Variants in SAMD12 observed in about 807,000 individuals in gnomAD.
SAMD12 encodes the protein sterile alpha motif domain-containing protein 12.
SAMD12 carries 9 observed loss-of-function variants against 15.0 expected under a neutral mutation model. The ratio of observed to expected loss-of-function variants is 0.60; its 90% CI spans 0.36 to 1.05. The LOEUF is 1.05. Among genes scored for constraint, SAMD12 ranks in the 50% least tolerant of loss-of-function variants. The probability of loss-of-function intolerance (pLI) is 0.01; values close to 1 mark genes in which losing one functional copy is unlikely to be tolerated. For missense variants in SAMD12, 230 were observed against 234.2 expected, an observed-to-expected ratio of 0.98 and a Z score of 0.12; for synonymous variants, 86 against 90.1, an observed-to-expected ratio of 0.96 and a Z score of 0.25.
At chr8:118,383,281 G>A (rs1244983063) in intron 3 of SAMD12, among the ~76,000 whole-genome samples, 1 of 152,130 alleles carries the variant, frequency 6.6e-6, no homozygotes, top group African/African-American at 2.4e-5. Flanking sequence ...GACAAGGAAG[G>A]TAGCTCATGG....
At chr8:118,520,772 T>C (rs1264844279) in intron 2 of SAMD12, among the ~76,000 whole-genome samples, 5 of 152,184 alleles carry the variant, frequency 3.3e-5, no homozygotes, top group African/African-American at 1.2e-4. Context: ...AATTTACTGT[T>C]TCCTATACAA....
At chr8:118,226,837 C>T (rs953563933) in intron 4 of SAMD12, among the ~76,000 whole-genome samples, 1 of 152,074 alleles carries the variant, frequency 6.6e-6, no homozygotes, top group Non-Finnish European at 1.5e-5. Context: ...ATGAGAGCTG[C>T]TTGGAAGAAC....
At chr8:118,420,209 C>A (rs914108862) in intron 3 of SAMD12, among the ~76,000 whole-genome samples, 2 of 152,068 alleles carry the variant, frequency 1.3e-5, no homozygotes, top group African/African-American at 2.4e-5. Context: ...GAAAGAAAAT[C>A]GGGACTCTTA....
At chr8:118,524,872 T>C (rs1220247366) in intron 2 of SAMD12, among the ~76,000 whole-genome samples, 1 of 152,196 alleles carries the variant, frequency 6.6e-6, no homozygotes, top group Non-Finnish European at 1.5e-5. Flanking sequence ...CACTCTCCTG[T>C]GGATAATTCC....
chr8:118,337,524 A>G lies in SAMD12; in HGVS notation c.433+42036T>C, dbSNP rs558034536. ...ACCTAGGGTCAACCTCAGCCTAAAA[A>G]TATCACATGAAAAATTCCAAAAATA... On this transcript the variant is annotated intron_variant, in intron 4 of 4. Transcript: ENST00000409003. Among the ~76,000 whole-genome samples, 39 of 152,340 alleles carry G rather than the reference A, an allele frequency of 2.6e-4. 1 individual carries two copies. The South Asian group carries it at 7.5e-3, about 29-fold the overall frequency.
intron 4 of SAMD12, among the ~76,000 whole-genome samples, chr8:118,227,461 C>A (rs1812212906): frequency 6.6e-6 from 1 of 151,986 alleles, no homozygotes; most frequent in Non-Finnish European, 1.5e-5. Context: ...ATAACAAACC[C>A]TCATGACCGA....
At chr8:118,381,145 G>A (rs1014968844) in intron 3 of SAMD12, among the ~76,000 whole-genome samples, 1 of 152,212 alleles carries the variant, frequency 6.6e-6, no homozygotes, top group Admixed American at 6.5e-5. Context: ...TGTTTAATAA[G>A]AAACACTAGT....
At position 118,311,746 on chromosome 8, in the gene SAMD12, ACT is replaced by A. The variant is rs1162314423; in HGVS notation, c.433+67812_433+67813del. ...TGCAGCACACCCATCCTTCTCAGAAACTCTGTTTTCCTCAGCTCTTTATTTTC... is the reference window on the plus strand; with the variant it reads ...TGCAGCACACCCATCCTTCTCAGAAACTGTTTTCCTCAGCTCTTTATTTTC... On this transcript the variant is annotated intron_variant, in intron 4 of 4. Transcript: ENST00000409003. 2.6e-5 allele frequency among the ~76,000 whole-genome samples: 4 copies of A among 151,958 alleles called. No individual in the cohort carries two copies. The South Asian group carries it at 8.3e-4, about 32-fold the overall frequency.
chr8:118,167,346 G>A, the SAMD12 span, among the ~76,000 whole-genome samples: 1 of 152,096 alleles, frequency 6.6e-6, no homozygotes, highest in Non-Finnish European at 1.5e-5. Context: ...TTGTAAGCAA[G>A]AGGAATGCAG....
chr8:118,512,200 C>T lies in SAMD12; in HGVS notation c.192+68515G>A, dbSNP rs193014781. On this transcript the variant is annotated intron_variant, in intron 2 of 3. Coordinates refer to ENST00000314727, the MANE Select transcript of SAMD12 (RefSeq NM_207506.3). ...GTTTCCTTAACTTTGAAGACTTTGG[C>T]GGAACTTCCAGGAAAGAGACATTTT... Among the ~76,000 whole-genome samples, 609 of 152,214 alleles carry T rather than the reference C, an allele frequency of 4.0e-3. 1 individual carries two copies. Among genetic ancestry groups the T allele is most frequent in the African/African-American group, 0.014 (587 of 41,540 alleles).
chr8:118,611,088 T>G (rs1192774994), intron 1 of SAMD12, among the ~76,000 whole-genome samples: 1 of 152,218 alleles, frequency 6.6e-6, no homozygotes, highest in Non-Finnish European at 1.5e-5. Flanking sequence ...TCTCAGACTC[T>G]GGCACACTTG....
At chr8:118,575,489 T>TA (rs755017851) in intron 2 of SAMD12, among the ~76,000 whole-genome samples, 30 of 152,150 alleles carry the variant, frequency 2.0e-4, no homozygotes, top group Non-Finnish European at 3.8e-4. Flanking sequence ...GTTAGGAGCA[T>TA]AAAAAACCTT....
intron 4 of SAMD12, among the ~76,000 whole-genome samples, chr8:118,351,303 C>T (rs1448622087): frequency 1.3e-5 from 2 of 152,180 alleles, no homozygotes; most frequent in Non-Finnish European, 2.9e-5. Flanking sequence ...ACGTACCTCT[C>T]AACTCTGCCT....
At chr8:118,317,439 C>A (rs1815978670) in intron 4 of SAMD12, among the ~76,000 whole-genome samples, 1 of 152,126 alleles carries the variant, frequency 6.6e-6, no homozygotes, top group African/African-American at 2.4e-5. Context: ...ACATGTTGAA[C>A]AATTTTGAGT....
At chr8:118,472,942 G>A (rs1355272798) in intron 2 of SAMD12, among the ~76,000 whole-genome samples, 1 of 151,544 alleles carries the variant, frequency 6.6e-6, no homozygotes, top group Non-Finnish European at 1.5e-5. Flanking sequence ...AGGAGTGCTA[G>A]GTATTTCCCA....
chr8:118,287,127 T>TC (rs1563734534), intron 4 of SAMD12, among the ~76,000 whole-genome samples: 1 of 114,102 alleles, frequency 8.8e-6, no homozygotes. Context: ...AGAATATTTT[T>TC]TTTTTTTTTT....
intron 4 of SAMD12, among the ~76,000 whole-genome samples, chr8:118,233,777 C>G (rs1199144415): frequency 6.6e-6 from 1 of 152,158 alleles, no homozygotes; most frequent in African/African-American, 2.4e-5. Flanking sequence ...ACAGGAAAGG[C>G]CCACATAGCA....
At chr8:118,218,983 A>G (rs2129858993) in intron 4 of SAMD12, among the ~76,000 whole-genome samples, 1 of 152,284 alleles carries the variant, frequency 6.6e-6, no homozygotes, top group South Asian at 2.1e-4. Flanking sequence ...GGCAGTTGTA[A>G]CATCATTGTC....
At chr8:118,548,675 G>A (rs942588892) in intron 2 of SAMD12, among the ~76,000 whole-genome samples, 5 of 152,224 alleles carry the variant, frequency 3.3e-5, no homozygotes, top group African/African-American at 9.6e-5. Flanking sequence ...GAGAGTGGGC[G>A]CAGGTCAGTG....
Sources: gnomAD v4.1 joint callset for allele counts (sites outside exome capture counted in the v4.1 genomes callset) on GRCh38, gnomAD v4.1.1 for gene constraint, MANE v1.5 for transcripts, NCBI Gene and HGNC (gene_info 2026-07-23, HGNC 2026-07-21) for gene names.